MYH15: variants seen among roughly 807,000 people sequenced by gnomAD.
The protein encoded by MYH15 is myosin-15.
Under a neutral mutation model 240.5 loss-of-function variants are expected in MYH15, and 227 were observed. The observed-to-expected ratio is 0.94, with a 90% CI of 0.85 to 1.05. MYH15 has a LOEUF of 1.05. MYH15 is among the 50% of genes least tolerant of loss of function. The probability of loss-of-function intolerance (pLI) is 0.00; values close to 1 mark genes in which losing one functional copy is unlikely to be tolerated. For synonymous variants in MYH15, 785 were observed against 796.7 expected, an observed-to-expected ratio of 0.99 and a Z score of 0.25; for missense variants, 2,217 against 2,247.5, an observed-to-expected ratio of 0.99 and a Z score of 0.27.
intron 38 of MYH15, among the ~76,000 whole-genome samples, chr3:108,385,164 C>T (rs116273810): frequency 6.9e-4 from 105 of 152,206 alleles, no homozygotes; most frequent in Non-Finnish European, 1.2e-3. Flanking sequence ...ATTCAGATGA[C>T]GAAAACAGCA....
chr3:108,529,087 C>T (rs1219525208), intron 1 of MYH15, among the ~76,000 whole-genome samples: 1 of 152,186 alleles, frequency 6.6e-6, no homozygotes, highest in Non-Finnish European at 1.5e-5. Flanking sequence ...AGACCGGCTA[C>T]ATTTATGTCA....
chr3:108,437,831 A>T, intron 24 of MYH15, 132 bp from the exon 25 acceptor site: 1 of 917,756 alleles, frequency 1.1e-6, no homozygotes, highest in Non-Finnish European at 1.6e-6. Flanking sequence ...GCCCAGTAAC[A>T]TAGATATTTC....
chr3:108,385,362 A>T (rs1194887704), intron 38 of MYH15, among the ~76,000 whole-genome samples: 1 of 152,232 alleles, frequency 6.6e-6, no homozygotes. Context: ...AATTTTCTGG[A>T]ATTCTGATGC....
chr3:108,439,475 C>G (rs994227564), intron 24 of MYH15, among the ~76,000 whole-genome samples: 1 of 152,154 alleles, frequency 6.6e-6, no homozygotes, highest in Admixed American at 6.6e-5. Context: ...AACCCTTTAC[C>G]ATTCATCTTA....
chr3:108,479,852 AG>A, intron 11 of MYH15, among the ~76,000 whole-genome samples: 1 of 152,336 alleles, frequency 6.6e-6, no homozygotes, highest in Non-Finnish European at 1.5e-5. Flanking sequence ...GAAAGAATGA[AG>A]CAAAATCCAG....
At chr3:108,436,719 A>G (rs918184882) in intron 25 of MYH15, among the ~76,000 whole-genome samples, 4 of 152,116 alleles carry the variant, frequency 2.6e-5, no homozygotes, top group Non-Finnish European at 5.9e-5. Flanking sequence ...TTGTATTTTT[A>G]GTAGAGATGG....
intron 38 of MYH15, among the ~76,000 whole-genome samples, chr3:108,385,341 T>C (rs1053604291): frequency 3.3e-5 from 5 of 152,214 alleles, no homozygotes; most frequent in African/African-American, 1.2e-4. Flanking sequence ...AATAGAACTA[T>C]AGAAAAGATA....
intron 28 of MYH15, among the ~76,000 whole-genome samples, chr3:108,419,048 G>T (rs115025565): frequency 0.048 from 7,376 of 152,128 alleles, 602 homozygotes; most frequent in African/African-American, 0.17. Flanking sequence ...CCACTCTGCT[G>T]GTCCAAAAAC....
At position 108,470,772 on chromosome 3, in the gene MYH15, T is replaced by A. The variant is rs1304139756; in HGVS notation, c.1309A>T (p.Arg437Trp). Residue 437 changes from arginine to tryptophan, a missense_variant, in exon 13 of 41, where the codon AGG (arginine) becomes TGG (tryptophan). By Grantham distance (101) the Arg-to-Trp change is moderately radical. Transcript: ENST00000693548. Reference protein sequence around the residue: ...MFKWLVARINRALDAKLSRQF... With the variant: ...MFKWLVARINWALDAKLSRQF... ...CTTGACAGCTTGGCATCCAGGGCCCTGTTGATCCGTGCCACTAGCCACTTA... is the reference window on the plus strand; with the variant it reads ...CTTGACAGCTTGGCATCCAGGGCCCAGTTGATCCGTGCCACTAGCCACTTA... 6.2e-7 allele frequency: 1 copy of A among 1,613,762 alleles called. No individual in the cohort carries two copies. Among genetic ancestry groups the A allele is most frequent in the East Asian group, 2.2e-5 (1 of 44,866 alleles).
At chr3:108,501,960 C>T in intron 2 of MYH15, 105 bp from the exon 3 acceptor site, 1 of 1,251,370 alleles carries the variant, frequency 8.0e-7, no homozygotes, top group South Asian at 1.4e-5. Flanking sequence ...AAAAATGATG[C>T]CTCATTAGGG....
At chr3:108,418,941 C>CA (rs1180764534) in intron 28 of MYH15, among the ~76,000 whole-genome samples, 1 of 152,118 alleles carries the variant, frequency 6.6e-6, no homozygotes, top group Non-Finnish European at 1.5e-5. Flanking sequence ...CTGGTAGAGA[C>CA]AGAGTTTTGC....
intron 2 of MYH15, among the ~76,000 whole-genome samples, chr3:108,503,234 C>T (rs2083451525): frequency 6.6e-6 from 1 of 152,294 alleles, no homozygotes; most frequent in East Asian, 1.9e-4. Flanking sequence ...GTTGTAACCA[C>T]ATTATAGTCA....
intron 11 of MYH15, among the ~76,000 whole-genome samples, chr3:108,482,790 G>A (rs2083277038): frequency 6.6e-6 from 1 of 151,990 alleles, no homozygotes; most frequent in South Asian, 2.1e-4. Flanking sequence ...ACGTATTTAT[G>A]TATTTATTGT....
chr3:108,482,844 G>A (rs371261296), intron 11 of MYH15, among the ~76,000 whole-genome samples: 1 of 152,012 alleles, frequency 6.6e-6, no homozygotes, highest in East Asian at 1.9e-4. Flanking sequence ...TCTTGTTCAC[G>A]GATGTATCCC....
In MYH15 at chr3:108,398,668, G is replaced by A. The variant is rs1576208222; in HGVS notation, c.5102C>T (p.Ala1701Val). ...ATAGAAAAGATTGATTCTTTCTGTT[G>A]CTTCCAGGAGCTCTTCTTCTGACAG... ...RRLSEEELLE[A>V]TERINLFYTQ... is the part of the protein sequence containing the mutation. Residue 1701 changes from alanine to valine, a missense_variant, in exon 35 of 41, where the codon GCA (alanine) becomes GTA (valine). By Grantham distance (64) the Ala-to-Val change is moderately conservative. Coordinates refer to ENST00000693548, the MANE Select transcript of MYH15 (RefSeq NM_014981.3). 2 of 1,613,672 alleles carry A rather than the reference G, an allele frequency of 1.2e-6. No individual in the cohort carries two copies. Among genetic ancestry groups the A allele is most frequent in the Non-Finnish European group, 1.7e-6 (2 of 1,180,034 alleles).
At chr3:108,403,938 T>A (rs2082527540) in intron 33 of MYH15, among the ~76,000 whole-genome samples, 1 of 152,142 alleles carries the variant, frequency 6.6e-6, no homozygotes, top group Non-Finnish European at 1.5e-5. Context: ...CAGCTGGGTT[T>A]ATTTATAGGC....
intron 38 of MYH15, 101 bp from the exon 39 acceptor site, chr3:108,384,883 A>C: frequency 1.0e-6 from 1 of 982,294 alleles, no homozygotes; most frequent in Non-Finnish European, 1.5e-6. Flanking sequence ...AACTTTATTA[A>C]ACATCATCTC....
chr3:108,541,829 T>C, the MYH15 span, among the ~76,000 whole-genome samples: 2 of 152,256 alleles, frequency 1.3e-5, no homozygotes, highest in East Asian at 3.9e-4. Context: ...AGAAGCCCTA[T>C]ACGTATTGAT....
chr3:108,456,898 G>C lies in MYH15; in HGVS notation c.2021-15C>G, dbSNP rs1253759394. The C allele has an allele frequency of 1.3e-6, 2 of 1,526,024 alleles. No homozygotes were observed. The allele number at this position is 1,526,024 out of a possible 1,614,324, so 94.5% of individuals were successfully genotyped here. On this transcript the variant is annotated splice_polypyrimidine_tract_variant and intron_variant, in intron 18 of 40. Coordinates refer to ENST00000693548, the MANE Select transcript of MYH15 (RefSeq NM_014981.3). Reference sequence around the variant, plus strand: ...GTCCAGTATACCTGGAAAAAAAAAAGAGTCATGGTGGATCTGTGCCTGAAA... The same window carrying C: ...GTCCAGTATACCTGGAAAAAAAAAACAGTCATGGTGGATCTGTGCCTGAAA...
Sources: allele counts gnomAD v4.1 joint callset (sites outside exome capture counted in the v4.1 genomes callset), GRCh38; gene constraint gnomAD v4.1.1; transcripts MANE v1.5; gene names NCBI Gene and HGNC (gene_info 2026-07-23, HGNC 2026-07-21).